Variants in EMID1 observed in about 807,000 individuals in gnomAD.
EMID1 encodes the protein EMI domain containing 1.
In EMID1, 40 loss-of-function variants were observed where a neutral mutation model predicts 60.6. The observed-to-expected ratio is 0.66, with a 90% confidence interval of 0.51 to 0.86. The LOEUF (loss-of-function observed/expected upper bound fraction) is 0.86, where lower values mean the gene tolerates loss of function less well. Among genes scored for constraint, EMID1 ranks in the 40% least tolerant of loss-of-function variants. The pLI is 0.00. For synonymous variants in EMID1, 242 were observed against 231.0 expected (o/e 1.05, Z -0.43); for missense variants, 585 against 597.1 (o/e 0.98, Z 0.21).
Position 29,243,457 on chromosome 22 carries a change from C to G in EMID1, c.1087C>G (p.Pro363Ala), listed in dbSNP as rs1324384819. Residue 363 changes from proline to alanine, a missense_variant, in exon 13 of 15, where the codon CCT becomes GCT. By Grantham distance (27) the Pro-to-Ala change is conservative (BLOSUM62 -1). Transcript: ENST00000334018. ...TCTCTCCTTGCAGGGGGAACCTGGC[C>G]CTAAGGGAGACCCTGGTGAGAAGAG... is the stretch of plus-strand genomic sequence containing the variant. Reference protein sequence around the residue: ...GSAGQRGEPGPKGDPGEKSHW... With the variant: ...GSAGQRGEPGAKGDPGEKSHW... The G allele has an allele frequency of 6.2e-7, 1 of 1,614,124 alleles. No homozygotes were observed. The highest frequency in any genetic ancestry group is 8.5e-7 in the Non-Finnish European group (1 of 1,180,010).
At position 29,259,143 on chromosome 22, in the gene EMID1, C is replaced by G; in HGVS notation, c.*199C>G. The G allele has an allele frequency of 1.2e-6, 1 of 810,506 alleles. No homozygotes were observed. The highest frequency in any genetic ancestry group is 1.8e-6 in the Non-Finnish European group (1 of 545,286). The allele number at this position is 810,506 out of a possible 1,614,324, so 50.2% of individuals were successfully genotyped here. Reference sequence around the variant, plus strand: ...GCTGAGCAAGGGCTGAGAGGAGAGGCTTGGGCCTCAGTTTCCCTCTGTGAA... The same window carrying G: ...GCTGAGCAAGGGCTGAGAGGAGAGGGTTGGGCCTCAGTTTCCCTCTGTGAA... On this transcript the variant is annotated 3_prime_UTR_variant, in exon 15 of 15. Transcript: ENST00000334018.
chr22:29,245,707 A>G (rs1345259438), intron 13 of EMID1, among the ~76,000 whole-genome samples: 1 of 152,222 alleles, frequency 6.6e-6, no homozygotes, highest in South Asian at 2.1e-4. Flanking sequence ...GCTGTGGCCC[A>G]GCAGTGACAC....
intron 5 of EMID1, among the ~76,000 whole-genome samples, chr22:29,229,744 A>G (rs1395171166): frequency 6.6e-6 from 1 of 151,940 alleles, no homozygotes; most frequent in Non-Finnish European, 1.5e-5. Context: ...ACGGGGTTCC[A>G]GGAGCAGTTC....
intron 5 of EMID1, among the ~76,000 whole-genome samples, chr22:29,230,463 C>T (rs1238448689): frequency 5.3e-5 from 8 of 152,254 alleles, no homozygotes; most frequent in Non-Finnish European, 1.0e-4. Flanking sequence ...CCAGCAAGCA[C>T]CGCGACAGTC....
chr22:29,230,278 A>C (rs1421456433), intron 5 of EMID1, among the ~76,000 whole-genome samples: 1 of 152,032 alleles, frequency 6.6e-6, no homozygotes, highest in Non-Finnish European at 1.5e-5. Flanking sequence ...GGTTGCAGTG[A>C]GCCGAGATCG....
At chr22:29,255,402 A>G in intron 14 of EMID1, 1 of 1,376,520 alleles carries the variant, frequency 7.3e-7, no homozygotes, top group Non-Finnish European at 9.6e-7. Context: ...CTCTTCCAGG[A>G]AGGGCCTGGA....
intron 3 of EMID1, among the ~76,000 whole-genome samples, chr22:29,222,444 A>C: frequency 1.7e-5 from 2 of 115,156 alleles, no homozygotes; most frequent in Non-Finnish European, 3.4e-5. Context: ...TCACTTTGTC[A>C]CCCAGGCTGG....
chr22:29,234,102 C>T (rs1363473929), intron 10 of EMID1, 35 bp from the exon 11 acceptor site: 2 of 1,558,324 alleles, frequency 1.3e-6, no homozygotes, highest in African/African-American at 1.4e-5. Flanking sequence ...CCATCCTGCC[C>T]CAACACAAGG....
In EMID1 at chr22:29,215,025, C is replaced by A; in HGVS notation, c.201C>A (p.Ser67Arg). ...TGCAGAACTGCCCCTGGCCCATGAGCTGTCCGGGGAGCAGGTAAATGAGGT... is the reference window on the plus strand; with the variant it reads ...TGCAGAACTGCCCCTGGCCCATGAGATGTCCGGGGAGCAGGTAAATGAGGT... Reference protein sequence around the residue: ...RVLQNCPWPMSCPGSSYRTVV... With the variant: ...RVLQNCPWPMRCPGSSYRTVV... The change falls in exon 2 of 15, where the codon AGC becomes AGA. Residue 67 changes from serine (S) to arginine (R), a missense_variant. By Grantham distance (110) the Ser-to-Arg change is moderately radical. Coordinates refer to ENST00000334018, the MANE Select transcript of EMID1 (RefSeq NM_133455.4). 6.5e-7 allele frequency: 1 copy of A among 1,544,010 alleles called. No homozygotes were observed. Among genetic ancestry groups the A allele is most frequent in the Non-Finnish European group, 8.8e-7 (1 of 1,141,312 alleles).
chr22:29,238,716 G>A (rs2041052058), intron 12 of EMID1, among the ~76,000 whole-genome samples: 1 of 115,708 alleles, frequency 8.6e-6, no homozygotes, highest in Admixed American at 8.9e-5. Context: ...ACCGTGCCCG[G>A]CCATTTTTTT....
chr22:29,207,282 A>G (rs2039705392), intron 1 of EMID1, among the ~76,000 whole-genome samples: 1 of 152,236 alleles, frequency 6.6e-6, no homozygotes, highest in African/African-American at 2.4e-5. Context: ...TGTTACAGCC[A>G]CCACCTATTG....
In EMID1 at chr22:29,214,901, T is replaced by TC. The variant is rs1329585012; in HGVS notation, c.102-25_102-24insC. 3 of 1,485,540 alleles carry TC rather than the reference T, an allele frequency of 2.0e-6. No individual in the cohort carries two copies. The African/African-American group carries it at 4.2e-5, about 21-fold the overall frequency. The allele number at this position is 1,485,540 out of a possible 1,614,324, so 92.0% of individuals were successfully genotyped here. On this transcript the variant is annotated intron_variant, in intron 1 of 14. Coordinates refer to ENST00000334018, the MANE Select transcript of EMID1 (RefSeq NM_133455.4). The stretch of plus-strand genomic sequence containing the variant: ...CAGGGGACCCTGTGTGGTACCTGAG[T>TC]TTCCTCTCTTTGGGTCTGTTTCAGG...
At chr22:29,231,265 C>T (rs1241979977) in intron 6 of EMID1, 125 bp downstream of exon 6, 3 of 1,391,160 alleles carry the variant, frequency 2.2e-6, no homozygotes, top group Admixed American at 5.5e-5. Flanking sequence ...TCAGTCTTCC[C>T]ATTTCCCGTT....
chr22:29,225,055 G>A, intron 3 of EMID1, 78 bp from the exon 4 acceptor site: 2 of 1,468,606 alleles, frequency 1.4e-6, no homozygotes, highest in Non-Finnish European at 9.4e-7. Flanking sequence ...GGTCCCTGCT[G>A]GGGCTACAGT....
chr22:29,245,826 C>T (rs1412157792), intron 13 of EMID1, among the ~76,000 whole-genome samples: 1 of 152,164 alleles, frequency 6.6e-6, no homozygotes, highest in Non-Finnish European at 1.5e-5. Context: ...AGGCCCGACT[C>T]GGCAGAGAGA....
intron 8 of EMID1, 44 bp from the exon 9 acceptor site, chr22:29,233,335 C>T: frequency 6.2e-7 from 1 of 1,605,650 alleles, no homozygotes; most frequent in Non-Finnish European, 8.5e-7. Context: ...ACTAACCACC[C>T]CACTCTACCC....
chr22:29,219,036 C>A (rs1054572886), intron 3 of EMID1, among the ~76,000 whole-genome samples: 32 of 152,148 alleles, frequency 2.1e-4, no homozygotes, highest in African/African-American at 7.2e-4. Flanking sequence ...GCAAGGTTTA[C>A]CCCCTGCAGG....
At chr22:29,245,218 T>TATGG (rs1468419729) in intron 13 of EMID1, among the ~76,000 whole-genome samples, 4 of 152,248 alleles carry the variant, frequency 2.6e-5, no homozygotes, top group Non-Finnish European at 5.9e-5. Flanking sequence ...ATACTGCCAG[T>TATGG]ATGGACATGA....
In EMID1 at chr22:29,225,137, A is replaced by T. The variant is rs2040453503; in HGVS notation, c.324A>T (p.Ala108=). The change falls in exon 4 of 15, where the codon GCA becomes GCT. Residue 108 remains alanine, a synonymous_variant. Coordinates refer to ENST00000334018, the MANE Select transcript of EMID1 (RefSeq NM_133455.4). The stretch of plus-strand genomic sequence containing the variant: ...CTCTCACCCTCCATCCCTTAGTTGC[A>T]GCTTCCTCTGCCTCCTTGGAGCCCA... ...GHSGVSCEEV[A]ASSASLEPMW... is the part of the protein sequence containing the mutation. 6.2e-7 allele frequency: 1 copy of T among 1,613,776 alleles called. No individual in the cohort carries two copies. The highest frequency in any genetic ancestry group is 1.3e-5 in the African/African-American group (1 of 74,934).
Sources: gnomAD v4.1 joint callset for allele counts (sites outside exome capture counted in the v4.1 genomes callset) on GRCh38, gnomAD v4.1.1 for gene constraint, MANE v1.5 for transcripts, NCBI Gene and HGNC (gene_info 2026-07-23, HGNC 2026-07-21) for gene names.